Variants in ZBTB20 observed in about 807,000 individuals in gnomAD.
ZBTB20 encodes the protein zinc finger and BTB domain-containing protein 20.
A neutral mutation model predicts 56.9 loss-of-function variants in ZBTB20; 9 were observed. That is an observed-to-expected ratio of 0.16 (90% CI 0.10 to 0.28). The LOEUF (loss-of-function observed/expected upper bound fraction) is 0.28, where lower values mean the gene tolerates loss of function less well. Among genes scored for constraint, ZBTB20 ranks in the 10% least tolerant of loss-of-function variants. ZBTB20 has a pLI of 1.00. For missense variants in ZBTB20, 655 were observed against 1,003.0 expected, an observed-to-expected ratio of 0.65 and a Z score of 4.69; for synonymous variants, 417 against 420.7, an observed-to-expected ratio of 0.99 and a Z score of 0.11.
At chr3:114,686,323 T>A (rs1220230566) in intron 6 of ZBTB20, among the ~76,000 whole-genome samples, 3 of 152,202 alleles carry the variant, frequency 2.0e-5, no homozygotes, top group Non-Finnish European at 4.4e-5. Flanking sequence ...GCGAAGCAGT[T>A]ATTCACAGAA....
At chr3:115,054,961 A>G (rs1028732663) in intron 2 of ZBTB20, among the ~76,000 whole-genome samples, 1 of 152,116 alleles carries the variant, frequency 6.6e-6, no homozygotes. Flanking sequence ...AAGGTCTTCA[A>G]CCTCAGGTCT....
chr3:115,079,598 A>T (rs2082723434), intron 1 of ZBTB20, among the ~76,000 whole-genome samples: 1 of 152,056 alleles, frequency 6.6e-6, no homozygotes, highest in Admixed American at 6.6e-5. Context: ...CATGTTGTCC[A>T]GTCCAGGCTG....
At chr3:114,623,824 C>T (rs1340688098) in intron 6 of ZBTB20, among the ~76,000 whole-genome samples, 2 of 151,768 alleles carry the variant, frequency 1.3e-5, no homozygotes, top group Non-Finnish European at 2.9e-5. Context: ...TCTTCCTCCC[C>T]CCAACAAGCA....
intron 1 of ZBTB20, among the ~76,000 whole-genome samples, chr3:115,079,658 T>C (rs780010585): frequency 6.6e-6 from 1 of 152,192 alleles, no homozygotes; most frequent in Non-Finnish European, 1.5e-5. Context: ...CCTCCCAAAG[T>C]GCAGGGATTA....
intron 6 of ZBTB20, among the ~76,000 whole-genome samples, chr3:114,553,637 A>C (rs1398986647): frequency 6.6e-6 from 1 of 152,196 alleles, no homozygotes; most frequent in African/African-American, 2.4e-5. Context: ...TGTAGTTTGA[A>C]AATGTGCCAT....
At chr3:115,010,703 A>G (rs1005542161) in intron 2 of ZBTB20, among the ~76,000 whole-genome samples, 1 of 151,978 alleles carries the variant, frequency 6.6e-6, no homozygotes, top group African/African-American at 2.4e-5. Context: ...GAAGGTGAAG[A>G]CTACAATAAA....
At chr3:114,808,310 T>C (rs987689193) in intron 4 of ZBTB20, among the ~76,000 whole-genome samples, 1 of 151,946 alleles carries the variant, frequency 6.6e-6, no homozygotes, top group Non-Finnish European at 1.5e-5. Flanking sequence ...CAGTCACAGG[T>C]TGTATTTCTA....
chr3:114,338,773 C>G lies in ZBTB20; in HGVS notation c.*232G>C, dbSNP rs946475270. Reference sequence around the variant, plus strand: ...GAAGCACTACCAGGCCTTAAGGCCACCATCCGAGGGAGACTGGGAAAACTA... The same window carrying G: ...GAAGCACTACCAGGCCTTAAGGCCAGCATCCGAGGGAGACTGGGAAAACTA... On this transcript the variant is annotated 3_prime_UTR_variant, in exon 12 of 12. Coordinates refer to ENST00000675478, the MANE Select transcript of ZBTB20 (RefSeq NM_001348800.3). 1 of 406,906 alleles carries G rather than the reference C, an allele frequency of 2.5e-6. No homozygotes were observed. The allele number at this position is 406,906 out of a possible 1,614,324, so 25.2% of individuals were successfully genotyped here. A position where few individuals can be genotyped will look rare whatever the true frequency, so the allele number is the denominator to read the frequency against.
intron 7 of ZBTB20, among the ~76,000 whole-genome samples, chr3:114,498,924 G>A (rs936177815): frequency 2.6e-5 from 4 of 152,212 alleles, no homozygotes; most frequent in African/African-American, 9.6e-5. Context: ...GTGCGGGCAG[G>A]AGTGCACTGT....
At chr3:114,958,314 C>T (rs1372617241) in intron 3 of ZBTB20, among the ~76,000 whole-genome samples, 2 of 152,188 alleles carry the variant, frequency 1.3e-5, no homozygotes, top group East Asian at 3.8e-4. Flanking sequence ...CTGTAACTTA[C>T]TTTGTGTGAC....
intron 6 of ZBTB20, among the ~76,000 whole-genome samples, chr3:114,648,632 CTAGAAGAATAAGAG>C: frequency 1.3e-5 from 2 of 151,958 alleles, no homozygotes; most frequent in South Asian, 4.2e-4. Flanking sequence ...ACATAAAAAT[CTAGAAGAATAAGAG>C]TATAACAGAG....
chr3:114,628,941 G>T (rs899239391), intron 6 of ZBTB20, among the ~76,000 whole-genome samples: 2 of 152,022 alleles, frequency 1.3e-5, no homozygotes, highest in Non-Finnish European at 2.9e-5. Context: ...AAAGTAATAG[G>T]TTAGCTATCT....
At chr3:114,561,983 C>A (rs1048111698) in intron 6 of ZBTB20, among the ~76,000 whole-genome samples, 10 of 152,280 alleles carry the variant, frequency 6.6e-5, no homozygotes, top group African/African-American at 2.4e-4. Flanking sequence ...GCTTCTCTAT[C>A]AGCACTTGAT....
At position 114,381,894 on chromosome 3, in the gene ZBTB20, G is replaced by A. The variant is rs960579331; in HGVS notation, c.-153-954C>T. On this transcript the variant is annotated intron_variant, in intron 8 of 11. Coordinates refer to ENST00000675478, the MANE Select transcript of ZBTB20 (RefSeq NM_001348800.3). The stretch of plus-strand genomic sequence containing the variant: ...CAGTATGGAGGAAGCCAATACAAGA[G>A]AAGCAACAAATTATAAGACCTTATC... Among the ~76,000 whole-genome samples, 3 of 152,164 alleles carry A rather than the reference G, an allele frequency of 2.0e-5. No individual in the cohort carries two copies. In the South Asian group the frequency reaches 6.2e-4, roughly 32 times the overall value.
chr3:114,561,238 T>C (rs1430723915), intron 6 of ZBTB20, among the ~76,000 whole-genome samples: 2 of 152,176 alleles, frequency 1.3e-5, no homozygotes, highest in Admixed American at 6.5e-5. Flanking sequence ...TCCATGAGGG[T>C]TGGAATCAAC....
chr3:114,681,236 T>C (rs2061955494), intron 6 of ZBTB20, among the ~76,000 whole-genome samples: 1 of 151,596 alleles, frequency 6.6e-6, no homozygotes. Context: ...CTTGGCTCAC[T>C]GCAACCTCCG....
At position 114,315,580 on chromosome 3, in the gene ZBTB20, T is replaced by A. The variant is rs1255692627; in HGVS notation, c.*23425A>T. On this transcript the variant is annotated 3_prime_UTR_variant, in exon 12 of 12. Coordinates refer to ENST00000675478, the MANE Select transcript of ZBTB20 (RefSeq NM_001348800.3). Reference sequence around the variant, plus strand: ...GGTCTAAACATACAGTGTGTGTGTGTGTGTGTGTGTGTGTGTGTGTGTGTG... The same window carrying A: ...GGTCTAAACATACAGTGTGTGTGTGAGTGTGTGTGTGTGTGTGTGTGTGTG... 3.9e-5 allele frequency: 6 copies of A among 152,618 alleles called. No homozygotes were observed. The highest frequency in any genetic ancestry group is 4.2e-4 in the South Asian group (2 of 4,816). 9.5% of individuals were successfully genotyped at this position (152,618 alleles called of 1,614,324 possible). A position where few individuals can be genotyped will look rare whatever the true frequency, so the allele number is the denominator to read the frequency against.
intron 4 of ZBTB20, among the ~76,000 whole-genome samples, chr3:114,871,075 T>A (rs1259729453): frequency 6.6e-6 from 1 of 152,080 alleles, no homozygotes; most frequent in Non-Finnish European, 1.5e-5. Flanking sequence ...AAGTCTTTTC[T>A]GTGATACAAG....
chr3:114,886,369 C>G (rs924565666), intron 4 of ZBTB20, among the ~76,000 whole-genome samples: 2 of 152,124 alleles, frequency 1.3e-5, no homozygotes, highest in Non-Finnish European at 2.9e-5. Flanking sequence ...TAATAAAGAC[C>G]TGGCCGATGC....
Sources: gnomAD v4.1 joint callset for allele counts (sites outside exome capture counted in the v4.1 genomes callset) on GRCh38, gnomAD v4.1.1 for gene constraint, MANE v1.5 for transcripts, NCBI Gene and HGNC (gene_info 2026-07-23, HGNC 2026-07-21) for gene names.